SCNN1A: variants seen among roughly 807,000 people sequenced by gnomAD.
The protein encoded by SCNN1A is sodium channel epithelial 1 subunit alpha.
Under a neutral mutation model 68.6 loss-of-function variants are expected in SCNN1A, and 65 were observed. The ratio of observed to expected loss-of-function variants is 0.95; its 90% CI spans 0.78 to 1.16. The LOEUF (loss-of-function observed/expected upper bound fraction) is 1.16, where lower values mean the gene tolerates loss of function less well. Ranked by LOEUF, SCNN1A falls within the 50% of genes most tolerant of loss-of-function variation. The pLI, the probability that SCNN1A is intolerant of heterozygous loss-of-function variation, is 0.00. For missense variants in SCNN1A, 880 were observed against 865.9 expected, an observed-to-expected ratio of 1.02 and a Z score of -0.20; for synonymous variants, 357 against 353.3, an observed-to-expected ratio of 1.01 and a Z score of -0.12.
At chr12:6,360,474 CAGTT>C (rs1266544020) in intron 4 of SCNN1A, among the ~76,000 whole-genome samples, 6 of 152,172 alleles carry the variant, frequency 3.9e-5, no homozygotes, top group African/African-American at 1.2e-4. Context: ...GTCCAGGTGA[CAGTT>C]AGAGGAACTT....
intron 3 of SCNN1A, among the ~76,000 whole-genome samples, chr12:6,362,836 C>A (rs886236983): frequency 2.3e-4 from 30 of 132,434 alleles, no homozygotes; most frequent in Admixed American, 1.0e-3. Flanking sequence ...TGTGCCACCA[C>A]ATGGGCTAAT....
In SCNN1A at chr12:6,347,569, C is replaced by G; in HGVS notation, c.*304G>C. 2.2e-6 allele frequency: 1 copy of G among 448,316 alleles called. No individual in the cohort carries two copies. Among genetic ancestry groups the G allele is most frequent in the South Asian group, 3.1e-5 (1 of 32,736 alleles). The allele number at this position is 448,316 out of a possible 1,614,324, so 27.8% of individuals were successfully genotyped here. On this transcript the variant is annotated 3_prime_UTR_variant, in exon 13 of 13. Coordinates refer to ENST00000228916, the MANE Select transcript of SCNN1A (RefSeq NM_001038.6). ...TTAGGAAAGTTCCTTGTCAAAGCTC[C>G]AAGTTTCGCTTGGCTGATCCAAGGG...
chr12:6,361,832 C>T (rs1304694523), intron 4 of SCNN1A, among the ~76,000 whole-genome samples: 1 of 152,252 alleles, frequency 6.6e-6, no homozygotes, highest in South Asian at 2.1e-4. Context: ...TCCTGTGAGG[C>T]CACTTCCCTC....
At position 6,374,376 on chromosome 12, in the gene SCNN1A, A is replaced by G. The variant is rs762326874; in HGVS notation, c.408T>C (p.Asn136=). The part of the protein sequence containing the change: ...VFPAVTICTL[N]PYRYPEIKEE... ...CAGAGGGACTAACCGACCTGTAGGGATTGAGGGTGCAGATGGTCACTGCGG... is the reference window on the plus strand; with the variant it reads ...CAGAGGGACTAACCGACCTGTAGGGGTTGAGGGTGCAGATGGTCACTGCGG... Residue 136 remains asparagine (N), a synonymous_variant, in exon 2 of 13, where the codon AAT becomes AAC. Transcript: ENST00000228916. This position sits in a 1 kb window ranked among gnomAD's most constrained non-coding sequence, Gnocchi z 6.2. The G allele has an allele frequency of 1.2e-6, 2 of 1,613,962 alleles. No homozygotes were observed. Among genetic ancestry groups the G allele is most frequent in the African/African-American group, 2.7e-5 (2 of 74,900 alleles).
Position 6,375,504 on chromosome 12 carries a change from C to T in SCNN1A, c.-55+1G>A. 3.3e-6 allele frequency: 5 copies of T among 1,535,616 alleles called. No homozygotes were observed. The highest frequency in any genetic ancestry group is 4.4e-6 in the Non-Finnish European group (5 of 1,146,860). ...GCAGCCAAACCTCTCCTCCCCCTCA[C>T]CTGACAGGTGCAGCGGCCTGGCTGG... On this transcript the variant is annotated splice_donor_variant, in intron 1 of 12. Coordinates refer to ENST00000228916, the MANE Select transcript of SCNN1A (RefSeq NM_001038.6). LOFTEE classifies it low-confidence loss of function (5UTR_SPLICE).
At chr12:6,375,736 C>T, upstream of SCNN1A, 1 of 1,417,566 alleles carries the variant, frequency 7.1e-7, no homozygotes, top group Non-Finnish European at 9.2e-7. Context: ...CGCAGACAGG[C>T]AAGGAGGCTG....
chr12:6,354,443 G>C lies in SCNN1A; in HGVS notation c.1355C>G (p.Ser452Cys). 1 of 1,609,940 alleles carries C rather than the reference G, an allele frequency of 6.2e-7. No homozygotes were observed. The highest frequency in any genetic ancestry group is 8.5e-7 in the Non-Finnish European group (1 of 1,177,490). ...VEYCDYRKHS[S>C]WGYCYYKLQV... ...GGGGCTCCCTGGAGTCTCACCCCAG[G>C]AACTGTGCTTTCTGTAGTCACAGTA... is the stretch of plus-strand genomic sequence containing the variant. The change falls in exon 8 of 13, where the codon TCC (serine) becomes TGC (cysteine). Residue 452 changes from serine to cysteine, a missense_variant. By Grantham distance (112) the Ser-to-Cys change is moderately radical. Around this residue, in one of 3 missense-constraint regions of SCNN1A, gnomAD observed 758 missense variants for 721.8 expected, o/e 1.05. Coordinates refer to ENST00000228916, the MANE Select transcript of SCNN1A (RefSeq NM_001038.6).
chr12:6,363,725 G>A lies in SCNN1A; in HGVS notation c.417-15C>T, dbSNP rs1366336758. 42 of 1,586,624 alleles carry A rather than the reference G, an allele frequency of 2.6e-5. 1 individual carries two copies. The highest frequency in any genetic ancestry group is 8.7e-5 in the Admixed American group (5 of 57,432). On this transcript the variant is annotated splice_polypyrimidine_tract_variant and intron_variant, in intron 2 of 12. Coordinates refer to ENST00000228916, the MANE Select transcript of SCNN1A (RefSeq NM_001038.6). ...TTTCCGGGTACCTGAAGGGGCGAGG[G>A]GAAGAGGGTCAGGCCAGGGGCCCTG...
rs1300707321 is a variant in SCNN1A at position 6,372,181 on chromosome 12, C to T, written c.416+2187G>A. Among the ~76,000 whole-genome samples the T allele has an allele frequency of 7.2e-5, 11 of 152,154 alleles. No individual in the cohort carries two copies. Among genetic ancestry groups the T allele is most frequent in the Admixed American group, 7.2e-4 (11 of 15,270 alleles). On this transcript the variant is annotated intron_variant, in intron 2 of 12. Coordinates refer to ENST00000228916, the MANE Select transcript of SCNN1A (RefSeq NM_001038.6). The surrounding 1 kb of genome is among the most constrained non-coding windows in gnomAD (Gnocchi z 5.8). ...TTTAATAAATAAATAATGTATGTTC[C>T]CTTGCTCAAATTATTTCCTCTTGCC...
upstream of SCNN1A, chr12:6,375,980 T>TG (rs989311598): frequency 1.1e-5 from 10 of 942,310 alleles, no homozygotes; most frequent in African/African-American, 2.0e-4. Flanking sequence ...GGGGCAGTGG[T>TG]GGGGGCAAAT....
upstream of SCNN1A, chr12:6,376,105 C>G: frequency 7.1e-6 from 7 of 988,500 alleles, no homozygotes; most frequent in Non-Finnish European, 8.4e-6. Flanking sequence ...CAAGGGCACC[C>G]ACAGGTCAGC....
At chr12:6,349,704 G>T in intron 8 of SCNN1A, 1 of 288,176 alleles carries the variant, frequency 3.5e-6, no homozygotes, top group Non-Finnish European at 6.7e-6. Context: ...GTGAGACCTT[G>T]TCTCTAAAAA....
chr12:6,370,947 A>G (rs1375978484), intron 2 of SCNN1A, among the ~76,000 whole-genome samples: 1 of 152,100 alleles, frequency 6.6e-6, no homozygotes, highest in Non-Finnish European at 1.5e-5. Context: ...GACTGTAGGT[A>G]TGACTGGCCC....
In SCNN1A at chr12:6,362,108, T is replaced by C; in HGVS notation, c.818A>G (p.Asp273Gly). Residue 273 changes from aspartate to glycine, a missense_variant, in exon 4 of 13, where the codon GAC (aspartate) becomes GGC (glycine). By Grantham distance (94) the Asp-to-Gly change is moderately conservative. Transcript: ENST00000228916. ...LPETLPSLEE[D>G]TLGNFIFACR... is the part of the protein sequence containing the mutation. The stretch of plus-strand genomic sequence containing the variant: ...GGCGAAGATGAAGTTGCCCAGCGTG[T>C]CCTCCTCCAGGGATGGCAGAGTCTC... 1.2e-6 allele frequency: 2 copies of C among 1,614,186 alleles called. No individual in the cohort carries two copies. The highest frequency in any genetic ancestry group is 2.2e-5 in the East Asian group (1 of 44,880).
Position 6,363,512 on chromosome 12 carries a change from G to C in SCNN1A, c.615C>G (p.Ser205Arg). 1 of 1,609,140 alleles carries C rather than the reference G, an allele frequency of 6.2e-7. No homozygotes were observed. Among genetic ancestry groups the C allele is most frequent in the Non-Finnish European group, 8.5e-7 (1 of 1,177,662 alleles). ...PPPHGARRARSVASSLRDNNP... is the reference protein window; with the variant it reads ...PPPHGARRARRVASSLRDNNP... The stretch of plus-strand genomic sequence containing the variant: ...TGTTGTCCCGCAAGCTGGAGGCCAC[G>C]CTACGGGCTCGACGGGCCCCGTGAG... Residue 205 changes from serine (S) to arginine (R), a missense_variant, in exon 3 of 13, where the codon AGC becomes AGG. By Grantham distance (110) the Ser-to-Arg change is moderately radical (BLOSUM62 -1). Around this residue, in one of 3 missense-constraint regions of SCNN1A, gnomAD observed 758 missense variants for 721.8 expected, o/e 1.05. Coordinates refer to ENST00000228916, the MANE Select transcript of SCNN1A (RefSeq NM_001038.6).
rs200044711 is a variant in SCNN1A at position 6,349,105 on chromosome 12, A to G, written c.1497+59T>C. The G allele has an allele frequency of 2.9e-4, 460 of 1,603,148 alleles. 2 individuals are homozygous for G. The East Asian group carries it at 3.2e-3, about 11-fold the overall frequency. ...ACACTCATACACATAATACCCAGAG[A>G]AGGCCACAGCATTACATGGGCACAC... On this transcript the variant is annotated intron_variant, in intron 10 of 12. Coordinates refer to ENST00000228916, the MANE Select transcript of SCNN1A (RefSeq NM_001038.6).
intron 2 of SCNN1A, among the ~76,000 whole-genome samples, chr12:6,366,599 G>A (rs1473957564): frequency 2.0e-5 from 3 of 152,002 alleles, no homozygotes; most frequent in Admixed American, 6.6e-5. Flanking sequence ...TCAAGAGTTC[G>A]AGACCAGACT....
rs1948378578 is a variant in SCNN1A at position 6,351,016 on chromosome 12, A to G, written c.1361-1611T>C. Among the ~76,000 whole-genome samples, 1 of 152,252 alleles carries G rather than the reference A, an allele frequency of 6.6e-6. No individual in the cohort carries two copies. The highest frequency in any genetic ancestry group is 2.1e-4 in the South Asian group (1 of 4,832). ...CAAAAAAGGTTAAACATAGATTACC[A>G]TATGACCTAGCAATTCCATTCCTAG... On this transcript the variant is annotated intron_variant, in intron 8 of 12. Transcript: ENST00000228916. This position sits in a 1 kb window ranked among gnomAD's most constrained non-coding sequence, Gnocchi z 4.2.
At chr12:6,375,457 G>T (rs1948888114) in intron 1 of SCNN1A, 48 bp downstream of exon 1, 2 of 1,535,448 alleles carry the variant, frequency 1.3e-6, no homozygotes, top group East Asian at 4.9e-5. Flanking sequence ...GACTGGGACT[G>T]GTTCCTTTCC....
Sources: gnomAD v4.1 joint callset for allele counts (sites outside exome capture counted in the v4.1 genomes callset) on GRCh38, gnomAD v4.1.1 for gene constraint, gnomAD v4.1.1 regional missense constraint, Gnocchi (gnomAD v3.1) non-coding constraint, MANE v1.5 for transcripts, NCBI Gene and HGNC (gene_info 2026-07-23, HGNC 2026-07-21) for gene names.